Variants in ABL2 observed in about 807,000 individuals in gnomAD.
The protein encoded by ABL2 is tyrosine-protein kinase ABL2.
Under a neutral mutation model 107.7 loss-of-function variants are expected in ABL2, and 49 were observed. The observed-to-expected ratio is 0.45, with a 90% CI of 0.36 to 0.58. The LOEUF (loss-of-function observed/expected upper bound fraction) is 0.58, where lower values mean the gene tolerates loss of function less well. Ranked by LOEUF, ABL2 falls within the 20% of genes least tolerant of loss-of-function variation. The pLI is 0.00. For missense variants in ABL2, 1,245 were observed against 1,457.0 expected (o/e 0.85, Z 2.37); for synonymous variants, 549 against 548.6 (o/e 1.00, Z -0.01).
chr1:179,132,010 T>C (rs1408330348), intron 2 of ABL2, among the ~76,000 whole-genome samples: 1 of 152,242 alleles, frequency 6.6e-6, no homozygotes, highest in East Asian at 1.9e-4. Context: ...CCAGGCCCTC[T>C]ATTTAAGTAT....
At chr1:179,199,457 G>T (rs1661526061) in intron 1 of ABL2, among the ~76,000 whole-genome samples, 1 of 151,964 alleles carries the variant, frequency 6.6e-6, no homozygotes, top group South Asian at 2.1e-4. Flanking sequence ...ATAAACAGAA[G>T]AGAAACACAA....
chr1:179,150,769 G>C (rs1262185933), intron 1 of ABL2, among the ~76,000 whole-genome samples: 1 of 152,192 alleles, frequency 6.6e-6, no homozygotes, highest in African/African-American at 2.4e-5. Context: ...AAAAAGCACT[G>C]CATTCTACAG....
chr1:179,217,800 T>A (rs544076944), intron 1 of ABL2, among the ~76,000 whole-genome samples: 1 of 152,236 alleles, frequency 6.6e-6, no homozygotes, highest in African/African-American at 2.4e-5. Flanking sequence ...AATCTAACCC[T>A]GGTCTACCAG....
chr1:179,187,555 T>C lies in ABL2; in HGVS notation c.157+41686A>G, dbSNP rs139434045. ...TGCTATAATATAACTATAAAAGGTA[T>C]TGGAGTTTCTTTGGGGAATTTTACC... On this transcript the variant is annotated intron_variant, in intron 1 of 11. Coordinates refer to ENST00000502732, the MANE Select transcript of ABL2 (RefSeq NM_007314.4). 2.2e-3 allele frequency among the ~76,000 whole-genome samples: 333 copies of C among 152,312 alleles called. 2 individuals are homozygous for C. The highest frequency in any genetic ancestry group is 7.6e-3 in the African/African-American group (314 of 41,558).
Position 179,104,846 on chromosome 1 carries a change from T to C in ABL2, c.*2872A>G, listed in dbSNP as rs893748434. 9.1e-6 allele frequency: 2 copies of C among 219,122 alleles called. No individual in the cohort carries two copies. The highest frequency in any genetic ancestry group is 9.1e-6 in the Non-Finnish European group (1 of 109,328). 13.6% of individuals were successfully genotyped at this position (219,122 alleles called of 1,614,324 possible). A position where few individuals can be genotyped will look rare whatever the true frequency, so the allele number is the denominator to read the frequency against. On this transcript the variant is annotated 3_prime_UTR_variant, in exon 12 of 12. Coordinates refer to ENST00000502732, the MANE Select transcript of ABL2 (RefSeq NM_007314.4). The stretch of plus-strand genomic sequence containing the variant: ...CGCCTTGGACAAGGGCCTTTGCTCA[T>C]TGCTTTTAGAATAGTTAAAATTAAA...
At chr1:179,111,564 G>A (rs1202379035) in intron 10 of ABL2, among the ~76,000 whole-genome samples, 3 of 152,232 alleles carry the variant, frequency 2.0e-5, no homozygotes, top group East Asian at 3.9e-4. Context: ...GGGATTGCAG[G>A]TGTGAGCTGC....
intron 3 of ABL2, among the ~76,000 whole-genome samples, chr1:179,129,054 T>C (rs1656020509): frequency 6.6e-6 from 1 of 152,192 alleles, no homozygotes; most frequent in South Asian, 2.1e-4. Context: ...TGTTGCTTTA[T>C]TTTTTAAATA....
At chr1:179,110,605 T>C in intron 10 of ABL2, 150 bp from the exon 11 acceptor site, 3 of 1,501,606 alleles carry the variant, frequency 2.0e-6, no homozygotes, top group Non-Finnish European at 2.7e-6. Context: ...CTCTTTTGTC[T>C]GGCTTCTTTC....
At position 179,126,623 on chromosome 1, in the gene ABL2, T is replaced by C; in HGVS notation, c.441A>G (p.Glu147=). The part of the protein sequence containing the change: ...LGYNQNGEWS[E]VRSKNGQGWV... ...AGCCCTGCCCATTCTTAGAGCGAACTTCACTCCACTCACCATTCTGGTTGT... is the reference window on the plus strand; with the variant it reads ...AGCCCTGCCCATTCTTAGAGCGAACCTCACTCCACTCACCATTCTGGTTGT... The change falls in exon 4 of 12, where the codon GAA becomes GAG. Residue 147 remains glutamate, a synonymous_variant. Coordinates refer to ENST00000502732, the MANE Select transcript of ABL2 (RefSeq NM_007314.4). This position sits in a 1 kb window ranked among gnomAD's most constrained non-coding sequence, Gnocchi z 4.4. The C allele has an allele frequency of 6.2e-7, 1 of 1,614,176 alleles. No homozygotes were observed. The highest frequency in any genetic ancestry group is 1.7e-5 in the Admixed American group (1 of 60,008).
At chr1:179,185,967 C>A (rs893176491) in intron 1 of ABL2, among the ~76,000 whole-genome samples, 3 of 152,000 alleles carry the variant, frequency 2.0e-5, no homozygotes, top group Non-Finnish European at 4.4e-5. Context: ...AGCAATGGGC[C>A]GGGCGCAGTG....
chr1:179,164,862 C>T (rs116158067), intron 1 of ABL2, among the ~76,000 whole-genome samples: 2,207 of 152,262 alleles, frequency 0.014, 30 homozygotes, highest in Non-Finnish European at 0.022. Context: ...CCAGTGGATT[C>T]CTGAAACCTT....
At chr1:179,173,145 G>A (rs888358145) in intron 1 of ABL2, among the ~76,000 whole-genome samples, 35 of 150,450 alleles carry the variant, frequency 2.3e-4, no homozygotes, top group Admixed American at 1.6e-3. Context: ...AGCGGAGATC[G>A]TGCCATTGCA....
At chr1:179,136,608 A>C (rs1051249499) in intron 1 of ABL2, among the ~76,000 whole-genome samples, 1 of 148,574 alleles carries the variant, frequency 6.7e-6, no homozygotes, top group African/African-American at 2.4e-5. Context: ...GGAAAACCAG[A>C]GACCTTTGTT....
intron 1 of ABL2, among the ~76,000 whole-genome samples, chr1:179,141,540 T>C (rs763187554): frequency 2.6e-5 from 4 of 152,204 alleles, no homozygotes; most frequent in Non-Finnish European, 5.9e-5. Flanking sequence ...TTCTGAAATA[T>C]GTAAAGTAAT....
chr1:179,123,182 T>G (rs1655390829), intron 4 of ABL2, among the ~76,000 whole-genome samples: 1 of 152,128 alleles, frequency 6.6e-6, no homozygotes, highest in South Asian at 2.1e-4. Flanking sequence ...GACGTGCAGT[T>G]GAGTGTCTAG....
intron 9 of ABL2, among the ~76,000 whole-genome samples, 164 bp downstream of exon 9, chr1:179,114,714 A>T (rs535653356): frequency 2.6e-5 from 4 of 152,320 alleles, no homozygotes; most frequent in African/African-American, 9.6e-5. Flanking sequence ...AATAAGATTC[A>T]ATGGTATATG....
intron 9 of ABL2, among the ~76,000 whole-genome samples, chr1:179,113,807 G>A (rs1415136308): frequency 6.6e-6 from 1 of 150,548 alleles, no homozygotes; most frequent in Non-Finnish European, 1.5e-5. Context: ...GGCGGCCGGC[G>A]CCTATAGTCC....
chr1:179,109,597 G>A (rs895763237), intron 11 of ABL2, among the ~76,000 whole-genome samples, 156 bp from the exon 12 acceptor site: 1 of 152,164 alleles, frequency 6.6e-6, no homozygotes, highest in Non-Finnish European at 1.5e-5. Flanking sequence ...TCATTTCACA[G>A]TGACTGGTGT....
At chr1:179,135,929 G>A (rs1226323314) in intron 1 of ABL2, among the ~76,000 whole-genome samples, 2 of 141,758 alleles carry the variant, frequency 1.4e-5, no homozygotes, top group Non-Finnish European at 3.1e-5. Flanking sequence ...CCCTCTGCCC[G>A]GCCAGCCGCC....
Sources: allele counts gnomAD v4.1 joint callset (sites outside exome capture counted in the v4.1 genomes callset), GRCh38; gene constraint gnomAD v4.1.1; non-coding constraint Gnocchi (gnomAD v3.1); transcripts MANE v1.5; gene names NCBI Gene and HGNC (gene_info 2026-07-23, HGNC 2026-07-21).